Variants in FHIT observed in about 807,000 individuals in gnomAD.
The protein encoded by FHIT is bis(5'-adenosyl)-triphosphatase.
FHIT carries 19 observed loss-of-function variants against 17.9 expected under a neutral mutation model. The ratio of observed to expected loss-of-function variants is 1.06; its 90% confidence interval spans 0.74 to 1.56. The LOEUF (loss-of-function observed/expected upper bound fraction) is 1.56. Ranked by LOEUF, FHIT falls within the 40% of genes most tolerant of loss-of-function variation. FHIT has a pLI of 0.00. For missense variants in FHIT, 248 were observed against 189.2 expected, an observed-to-expected ratio of 1.31 and a Z score of -1.82; for synonymous variants, 81 against 69.7, an observed-to-expected ratio of 1.16 and a Z score of -0.81.
intron 4 of FHIT, among the ~76,000 whole-genome samples, chr3:60,792,344 G>GTA (rs1291939028): frequency 6.8e-6 from 1 of 147,086 alleles, no homozygotes; most frequent in Non-Finnish European, 1.5e-5. Context: ...ATATAGTTGT[G>GTA]TATACACACA....
At chr3:59,873,470 T>C (rs1703013051) in intron 8 of FHIT, among the ~76,000 whole-genome samples, 3 of 152,208 alleles carry the variant, frequency 2.0e-5, no homozygotes, top group Admixed American at 2.0e-4. Context: ...ATTCAAGCCC[T>C]TCTGCAGCAC....
At chr3:60,553,543 A>G (rs1235602467) in intron 4 of FHIT, among the ~76,000 whole-genome samples, 5 of 146,648 alleles carry the variant, frequency 3.4e-5, no homozygotes, top group East Asian at 2.0e-4. Flanking sequence ...AGGGAGAGAG[A>G]GAGAGAGAGA....
chr3:61,200,088 A>G (rs781397183), intron 2 of FHIT, among the ~76,000 whole-genome samples: 7 of 152,190 alleles, frequency 4.6e-5, no homozygotes, highest in Non-Finnish European at 1.0e-4. Flanking sequence ...CATTTCCTGT[A>G]ATTCATTTAG....
intron 3 of FHIT, among the ~76,000 whole-genome samples, chr3:60,875,023 G>A (rs554193608): frequency 6.6e-6 from 1 of 152,170 alleles, no homozygotes; most frequent in South Asian, 2.1e-4. Context: ...TTTAAAATGG[G>A]AGCATATGTC....
rs1351664981 is a variant in FHIT at position 59,950,450 on chromosome 3, C to T, written c.280-28036G>A. Among the ~76,000 whole-genome samples, 3 of 152,160 alleles carry T rather than the reference C, an allele frequency of 2.0e-5. No individual in the cohort carries two copies. In the South Asian group the frequency reaches 6.2e-4, roughly 32 times the overall value. ...GGCAAATCCCCCTCCTCATCAAAGC[C>T]TTTCCATGACCGATCCTCCAATTGA... On this transcript the variant is annotated intron_variant, in intron 7 of 9. Coordinates refer to ENST00000492590, the MANE Select transcript of FHIT (RefSeq NM_002012.4).
intron 3 of FHIT, among the ~76,000 whole-genome samples, chr3:60,983,502 C>T (rs1710581984): frequency 6.6e-6 from 1 of 152,118 alleles, no homozygotes; most frequent in Admixed American, 6.5e-5. Flanking sequence ...CCATCTAGTG[C>T]ATCACAGGCC....
intron 5 of FHIT, among the ~76,000 whole-genome samples, chr3:60,370,088 T>C (rs1342729891): frequency 2.0e-5 from 3 of 152,228 alleles, no homozygotes; most frequent in Non-Finnish European, 4.4e-5. Context: ...GCTTTGAATC[T>C]CAATTCCTCA....
At chr3:61,170,294 T>C (rs9871598) in intron 2 of FHIT, among the ~76,000 whole-genome samples, 70,660 of 152,020 alleles carry the variant, frequency 0.46, 17,304 homozygotes, top group East Asian at 0.87. Context: ...TTTATTCCCA[T>C]ATGAATCTAT....
At chr3:60,796,678 G>T (rs1553730474) in intron 4 of FHIT, among the ~76,000 whole-genome samples, 2 of 152,080 alleles carry the variant, frequency 1.3e-5, no homozygotes, top group Non-Finnish European at 2.9e-5. Flanking sequence ...TGCTTCCTGG[G>T]TCAAGCAATT....
intron 8 of FHIT, among the ~76,000 whole-genome samples, chr3:59,753,850 C>T (rs1423001580): frequency 1.3e-5 from 2 of 152,092 alleles, no homozygotes; most frequent in Non-Finnish European, 2.9e-5. Flanking sequence ...AGTATTATCC[C>T]CAACAACTTT....
chr3:60,014,252 G>C, intron 5 of FHIT, 100 bp from the exon 6 acceptor site: 1 of 1,199,130 alleles, frequency 8.3e-7, no homozygotes, highest in Non-Finnish European at 1.2e-6. Context: ...ACCAGGGCCT[G>C]AACTCTCAAA....
intron 8 of FHIT, among the ~76,000 whole-genome samples, chr3:59,862,643 C>T (rs1332198679): frequency 6.6e-6 from 1 of 152,176 alleles, no homozygotes; most frequent in Non-Finnish European, 1.5e-5. Flanking sequence ...TCCTCTAAAG[C>T]AAACCCTGAA....
At chr3:59,964,692 C>T (rs7641023) in intron 7 of FHIT, among the ~76,000 whole-genome samples, 4,458 of 152,160 alleles carry the variant, frequency 0.029, 217 homozygotes, top group African/African-American at 0.1. Context: ...TCTACCCATT[C>T]CCAATAGTTT....
At chr3:60,896,475 C>A (rs1334924553) in intron 3 of FHIT, among the ~76,000 whole-genome samples, 4 of 152,218 alleles carry the variant, frequency 2.6e-5, no homozygotes, top group African/African-American at 9.7e-5. Context: ...TGCCCTCCTT[C>A]CACAGTGATA....
intron 5 of FHIT, among the ~76,000 whole-genome samples, chr3:60,191,153 C>A (rs886880795): frequency 6.6e-6 from 1 of 151,948 alleles, no homozygotes; most frequent in Non-Finnish European, 1.5e-5. Context: ...AAAGAGTCAG[C>A]CAGCAATGAT....
chr3:59,958,449 GA>G (rs1172242653), intron 7 of FHIT, among the ~76,000 whole-genome samples: 1 of 151,966 alleles, frequency 6.6e-6, no homozygotes, highest in African/African-American at 2.4e-5. Flanking sequence ...TTCCTCTTTT[GA>G]AAAAAACTCT....
intron 8 of FHIT, among the ~76,000 whole-genome samples, chr3:59,832,566 A>G (rs1473235111): frequency 6.6e-6 from 1 of 152,218 alleles, no homozygotes; most frequent in Non-Finnish European, 1.5e-5. Flanking sequence ...TGTCCTCTGC[A>G]TTGTGAATAG....
At chr3:59,993,020 A>C (rs1699354512) in intron 7 of FHIT, among the ~76,000 whole-genome samples, 1 of 152,094 alleles carries the variant, frequency 6.6e-6, no homozygotes, top group Admixed American at 6.6e-5. Flanking sequence ...CAAACTAAAA[A>C]CAAACATATC....
At chr3:60,730,155 G>A in intron 4 of FHIT, 1 of 444,212 alleles carries the variant, frequency 2.3e-6, no homozygotes, top group South Asian at 1.8e-5. Context: ...GGACCACTGG[G>A]CTGTTTGTGT....
Sources: gnomAD v4.1 joint callset for allele counts (sites outside exome capture counted in the v4.1 genomes callset) on GRCh38, gnomAD v4.1.1 for gene constraint, MANE v1.5 for transcripts, NCBI Gene and HGNC (gene_info 2026-07-23, HGNC 2026-07-21) for gene names.